SLC39A11: variants seen among roughly 807,000 people sequenced by gnomAD.
SLC39A11 encodes solute carrier family 39 member 11, also known as zinc transporter ZIP11.
Under a neutral mutation model 36.1 loss-of-function variants are expected in SLC39A11, and 33 were observed. The observed-to-expected ratio is 0.91, with a 90% CI of 0.69 to 1.22. SLC39A11 has a LOEUF of 1.22. SLC39A11 is among the 50% of genes most tolerant of loss of function. SLC39A11 has a pLI of 0.00. For synonymous variants in SLC39A11, 166 were observed against 170.3 expected (o/e 0.97, Z 0.20); for missense variants, 432 against 430.3 (o/e 1.00, Z -0.03).
intron 2 of SLC39A11, among the ~76,000 whole-genome samples, chr17:73,086,708 T>C (rs962976641): frequency 1.3e-5 from 2 of 152,126 alleles, no homozygotes; most frequent in African/African-American, 4.8e-5. Context: ...TAGTCTCAGC[T>C]ACTTGGGAGG....
chr17:72,714,070 C>T (rs2073231310), intron 7 of SLC39A11, among the ~76,000 whole-genome samples: 2 of 152,152 alleles, frequency 1.3e-5, no homozygotes, highest in Admixed American at 6.5e-5. Context: ...GGTGCAGTGG[C>T]TCAGGCCGGG....
At chr17:72,766,819 G>A (rs1412067718) in intron 6 of SLC39A11, among the ~76,000 whole-genome samples, 1 of 152,106 alleles carries the variant, frequency 6.6e-6, no homozygotes, top group Non-Finnish European at 1.5e-5. Flanking sequence ...AATCCAAAGG[G>A]CATCAGCCTA....
chr17:72,679,575 G>A (rs2071420961), intron 7 of SLC39A11, among the ~76,000 whole-genome samples: 2 of 152,114 alleles, frequency 1.3e-5, no homozygotes, highest in South Asian at 4.1e-4. Flanking sequence ...CTTCTTCAAG[G>A]GCTCCTGGAG....
intron 6 of SLC39A11, among the ~76,000 whole-genome samples, chr17:72,842,686 C>A (rs12943610): frequency 0.43 from 65,083 of 152,014 alleles, 14,223 homozygotes; most frequent in East Asian, 0.67. Context: ...TTCTAAAAAA[C>A]CATGTTGTTT....
At chr17:72,655,021 C>T (rs527378586) in intron 7 of SLC39A11, among the ~76,000 whole-genome samples, 138 of 152,350 alleles carry the variant, frequency 9.1e-4, no homozygotes, top group African/African-American at 3.0e-3. Context: ...AGCCCTGGCA[C>T]GGGGCTGCCA....
intron 6 of SLC39A11, among the ~76,000 whole-genome samples, chr17:72,845,550 C>T (rs567618072): frequency 6.6e-6 from 1 of 152,346 alleles, no homozygotes; most frequent in African/African-American, 2.4e-5. Flanking sequence ...CTACCGTCTC[C>T]TCTGCCCTGT....
intron 6 of SLC39A11, among the ~76,000 whole-genome samples, chr17:72,842,863 G>A (rs1177402054): frequency 6.6e-6 from 1 of 152,110 alleles, no homozygotes; most frequent in Non-Finnish European, 1.5e-5. Context: ...TGCATCTGCT[G>A]GTCTGCATCA....
At chr17:72,714,172 A>G (rs1325886401) in intron 7 of SLC39A11, among the ~76,000 whole-genome samples, 2 of 152,128 alleles carry the variant, frequency 1.3e-5, no homozygotes, top group African/African-American at 4.8e-5. Context: ...CCTGGCCAAC[A>G]TGGTGAAACC....
chr17:72,868,618 C>CAAAAAAAAA (rs71354894), intron 5 of SLC39A11, among the ~76,000 whole-genome samples: 34 of 56,486 alleles, frequency 6.0e-4, no homozygotes, highest in Admixed American at 9.7e-4. Flanking sequence ...CCTGTCTCTA[C>CAAAAAAAAA]AAAAAAAAAA....
chr17:72,857,214 TGTAA>T (rs1185701552), intron 5 of SLC39A11, among the ~76,000 whole-genome samples: 1 of 152,214 alleles, frequency 6.6e-6, no homozygotes, highest in African/African-American at 2.4e-5. Context: ...AACTTCCACT[TGTAA>T]GTGAGAACAA....
At chr17:72,840,906 T>C (rs1425119501) in intron 6 of SLC39A11, among the ~76,000 whole-genome samples, 2 of 151,036 alleles carry the variant, frequency 1.3e-5, no homozygotes, top group Admixed American at 6.6e-5. Flanking sequence ...ATACAAAAAA[T>C]TAGCCAGGCG....
intron 3 of SLC39A11, among the ~76,000 whole-genome samples, chr17:73,036,805 C>CATATATATATAATATATATATATTAT (rs1382973089): frequency 1.3e-5 from 2 of 152,170 alleles, no homozygotes; most frequent in African/African-American, 4.8e-5. Context: ...GATTTTGACA[C>CATATATATATAATATATATATATTAT]ATATATAATA....
chr17:73,073,084 G>T lies in SLC39A11; in HGVS notation c.147+11724C>A, dbSNP rs192798900. Among the ~76,000 whole-genome samples the T allele has an allele frequency of 1.1e-4, 17 of 152,318 alleles. 1 individual carries two copies. Among genetic ancestry groups the T allele is most frequent in the Admixed American group, 8.5e-4 (13 of 15,302 alleles). ...AAGCCCAGCTACTCGGGAGGCCAAG[G>T]CACAAGAATTTCTTGAACCCAGGAG... On this transcript the variant is annotated intron_variant, in intron 3 of 9. Transcript: ENST00000255559.
intron 5 of SLC39A11, among the ~76,000 whole-genome samples, chr17:72,866,350 C>T (rs1019044250): frequency 2.6e-5 from 4 of 152,128 alleles, no homozygotes; most frequent in Non-Finnish European, 4.4e-5. Context: ...GCTCGGGGCT[C>T]CCACTGATTC....
At chr17:73,067,989 A>T (rs1388332618) in intron 3 of SLC39A11, 2 of 1,595,242 alleles carry the variant, frequency 1.3e-6, no homozygotes, top group African/African-American at 2.7e-5. Flanking sequence ...ACATAAATAA[A>T]CAACTGTTCT....
chr17:72,899,483 G>A (rs555167633), intron 5 of SLC39A11, among the ~76,000 whole-genome samples: 8 of 152,242 alleles, frequency 5.3e-5, no homozygotes, highest in East Asian at 3.9e-4. Flanking sequence ...GGCAAGGGTC[G>A]GATAGACTTG....
Position 73,011,001 on chromosome 17 carries a change from G to A in SLC39A11, c.306+20555C>T, listed in dbSNP as rs368730463. ...ACCTCCTGAGAACCTACTCTGTGCC[G>A]GGCACTGTGCTAGTGTACAGGACAC... On this transcript the variant is annotated intron_variant, in intron 4 of 9. Coordinates refer to ENST00000255559, the MANE Select transcript of SLC39A11 (RefSeq NM_139177.4). Among the ~76,000 whole-genome samples, 16 of 152,174 alleles carry A rather than the reference G, an allele frequency of 1.1e-4. No homozygotes were observed. The South Asian group carries it at 2.1e-3, about 20-fold the overall frequency.
chr17:72,866,065 T>C (rs1333209773), intron 5 of SLC39A11, among the ~76,000 whole-genome samples: 3 of 152,184 alleles, frequency 2.0e-5, no homozygotes, highest in South Asian at 2.1e-4. Context: ...CATGGCCTGT[T>C]AGGAACCAGG....
chr17:72,870,600 T>C lies in SLC39A11; in HGVS notation c.431-20796A>G, dbSNP rs570912772. On this transcript the variant is annotated intron_variant, in intron 5 of 9. Coordinates refer to ENST00000255559, the MANE Select transcript of SLC39A11 (RefSeq NM_139177.4). ...GGTGTTGGTCTCATACAGCCCCAGA[T>C]GCTCTCCAGATGCAGAGACCCCTCT... 1.2e-4 allele frequency among the ~76,000 whole-genome samples: 19 copies of C among 152,376 alleles called. No individual in the cohort carries two copies. The South Asian group carries it at 3.9e-3, about 32-fold the overall frequency.
Sources: allele counts gnomAD v4.1 joint callset (sites outside exome capture counted in the v4.1 genomes callset), GRCh38; gene constraint gnomAD v4.1.1; transcripts MANE v1.5; gene names NCBI Gene and HGNC (gene_info 2026-07-23, HGNC 2026-07-21).